Variants in SMC6 observed in about 807,000 individuals in gnomAD.
SMC6 encodes structural maintenance of chromosomes 6, also known as structural maintenance of chromosomes protein 6.
Under a neutral mutation model 142.2 loss-of-function variants are expected in SMC6, and 79 were observed. That is an observed-to-expected ratio of 0.56 (90% CI 0.46 to 0.67). The LOEUF is 0.67. SMC6 is among the 30% of genes least tolerant of loss of function. SMC6 has a pLI of 0.00. For missense variants in SMC6, 1,072 were observed against 1,284.0 expected (o/e 0.83, Z 2.52); for synonymous variants, 411 against 412.4 (o/e 1.00, Z 0.04).
rs918539474 is a variant in SMC6 at position 17,691,338 on chromosome 2, G to C, written c.2678+3814C>G. Among the ~76,000 whole-genome samples, 8 of 94,758 alleles carry C rather than the reference G, an allele frequency of 8.4e-5. No individual in the cohort carries two copies. In the Middle Eastern group the frequency reaches 0.016, roughly 191 times the overall value. 62.2% of individuals were successfully genotyped at this position (94,758 alleles called of 152,430 possible). A position where few individuals can be genotyped will look rare whatever the true frequency, so the allele number is the denominator to read the frequency against. ...GGTGTGTGTGTGTGTGTGTGTCTCTGTGTGTGTGTGTCTGTGTGTGTGTGT... is the reference window on the plus strand; with the variant it reads ...GGTGTGTGTGTGTGTGTGTGTCTCTCTGTGTGTGTGTCTGTGTGTGTGTGT... On this transcript the variant is annotated intron_variant, in intron 23 of 27. Coordinates refer to ENST00000448223, the MANE Select transcript of SMC6 (RefSeq NM_001142286.2).
At chr2:17,705,706 A>G (rs1395757468) in intron 18 of SMC6, among the ~76,000 whole-genome samples, 1 of 152,226 alleles carries the variant, frequency 6.6e-6, no homozygotes, top group Non-Finnish European at 1.5e-5. Flanking sequence ...TAAGCAATCA[A>G]TGTAACTTTA....
chr2:17,698,241 T>C (rs1220846688), intron 21 of SMC6, among the ~76,000 whole-genome samples: 9 of 151,996 alleles, frequency 5.9e-5, no homozygotes, highest in South Asian at 2.1e-4. Flanking sequence ...ACATGAAAAA[T>C]CATTGAATTA....
intron 6 of SMC6, 46 bp from the exon 7 acceptor site, chr2:17,731,185 T>C: frequency 7.5e-7 from 1 of 1,330,196 alleles, no homozygotes; most frequent in Non-Finnish European, 1.1e-6. Context: ...TTCTAGGGCA[T>C]AACACAGAAA....
Position 17,700,992 on chromosome 2 carries a change from C to T in SMC6, c.2224-614G>A, listed in dbSNP as rs571056638. On this transcript the variant is annotated intron_variant, in intron 20 of 27. Coordinates refer to ENST00000448223, the MANE Select transcript of SMC6 (RefSeq NM_001142286.2). ...GTTGCAGTGAGCCAAGATTGCACCA[C>T]TGCACTTCAGCCTGGGCAACAAGAG... Among the ~76,000 whole-genome samples the T allele has an allele frequency of 2.6e-5, 4 of 151,606 alleles. No homozygotes were observed. In the East Asian group the frequency reaches 5.8e-4, roughly 22 times the overall value.
intron 2 of SMC6, among the ~76,000 whole-genome samples, chr2:17,749,305 A>G (rs1055894620): frequency 2.0e-5 from 3 of 149,920 alleles, no homozygotes; most frequent in African/African-American, 7.6e-5. Context: ...TTTATAATTT[A>G]AAAAAAACAG....
chr2:17,715,638 T>A (rs552053869), intron 15 of SMC6, among the ~76,000 whole-genome samples: 1 of 152,100 alleles, frequency 6.6e-6, no homozygotes, highest in Non-Finnish European at 1.5e-5. Context: ...TTAAGTACCA[T>A]GTATATGTAA....
chr2:17,728,645 C>T (rs1669750036), intron 7 of SMC6, among the ~76,000 whole-genome samples: 1 of 152,148 alleles, frequency 6.6e-6, no homozygotes, highest in Non-Finnish European at 1.5e-5. Context: ...GAAACGGAGG[C>T]ACAGAAGACA....
At position 17,705,657 on chromosome 2, in the gene SMC6, T is replaced by C. The variant is rs780253292; in HGVS notation, c.2006+1562A>G. Among the ~76,000 whole-genome samples the C allele has an allele frequency of 5.3e-5, 8 of 152,170 alleles. 1 individual carries two copies. The highest frequency in any genetic ancestry group is 1.2e-4 in the Non-Finnish European group (8 of 68,020). On this transcript the variant is annotated intron_variant, in intron 18 of 27. Coordinates refer to ENST00000448223, the MANE Select transcript of SMC6 (RefSeq NM_001142286.2). ...AACCAACAAAATAAGCAAGACAATA[T>C]TGTCATTATACAATTTTTCTGAACA...
intron 25 of SMC6, among the ~76,000 whole-genome samples, chr2:17,673,191 ATACTT>A (rs1453502988): frequency 1.3e-5 from 2 of 152,168 alleles, no homozygotes; most frequent in Non-Finnish European, 2.9e-5. Context: ...CACCATTTAG[ATACTT>A]TAAAGTGGTT....
intron 23 of SMC6, among the ~76,000 whole-genome samples, chr2:17,692,757 A>C (rs1235687470): frequency 2.0e-5 from 3 of 152,236 alleles, no homozygotes; most frequent in Admixed American, 1.3e-4. Flanking sequence ...CTACCATCAG[A>C]GTGAACAGGC....
chr2:17,700,672 C>T (rs1393567930), intron 20 of SMC6, among the ~76,000 whole-genome samples: 2 of 152,040 alleles, frequency 1.3e-5, no homozygotes, highest in Non-Finnish European at 1.5e-5. Context: ...CAATATATAT[C>T]TTGTGCCAGA....
intron 22 of SMC6, among the ~76,000 whole-genome samples, chr2:17,695,968 G>C (rs935033459): frequency 6.6e-6 from 1 of 152,128 alleles, no homozygotes; most frequent in African/African-American, 2.4e-5. Flanking sequence ...CTCACTGGAA[G>C]GGGTGCCTTT....
At chr2:17,742,142 A>C (rs1300901182) in intron 3 of SMC6, among the ~76,000 whole-genome samples, 1 of 152,202 alleles carries the variant, frequency 6.6e-6, no homozygotes, top group South Asian at 2.1e-4. Flanking sequence ...TGGGGGGCGC[A>C]AAAGGGAGAG....
At chr2:17,714,791 G>A in intron 16 of SMC6, 70 bp downstream of exon 16, 3 of 1,468,886 alleles carry the variant, frequency 2.0e-6, no homozygotes, top group East Asian at 2.3e-5. Context: ...CATTAAAAGT[G>A]TTTTAACTCT....
Position 17,721,231 on chromosome 2 carries a change from C to G in SMC6, c.757G>C (p.Glu253Gln). The change falls in exon 10 of 28, where the codon GAG (glutamate) becomes CAG (glutamine). Residue 253 changes from glutamate (E) to glutamine (Q), a missense_variant. By Grantham distance (29) the Glu-to-Gln change is conservative (BLOSUM62 2). Transcript: ENST00000448223. ...RLTELKRQCV[E>Q]KEERFQSIAG... ...ATACTTTGAAAACGTTCCTCTTTCTCTACACACTGGCGCTTTAGTTCAGTA... is the reference window on the plus strand; with the variant it reads ...ATACTTTGAAAACGTTCCTCTTTCTGTACACACTGGCGCTTTAGTTCAGTA... 1.2e-6 allele frequency: 2 copies of G among 1,609,160 alleles called. No homozygotes were observed. The highest frequency in any genetic ancestry group is 2.2e-5 in the South Asian group (2 of 89,338).
chr2:17,742,363 G>A (rs1670516367), intron 3 of SMC6, among the ~76,000 whole-genome samples: 1 of 152,070 alleles, frequency 6.6e-6, no homozygotes, highest in Admixed American at 6.6e-5. Context: ...ACTTATTATG[G>A]CAACTGTGTG....
At chr2:17,745,307 G>A (rs562880247) in intron 3 of SMC6, among the ~76,000 whole-genome samples, 1 of 152,234 alleles carries the variant, frequency 6.6e-6, no homozygotes, top group East Asian at 1.9e-4. Flanking sequence ...TAATTCTCCA[G>A]TGAAACCAAC....
chr2:17,663,957 T>C lies in SMC6; in HGVS notation c.*1542A>G, dbSNP rs905756148. On this transcript the variant is annotated 3_prime_UTR_variant, in exon 28 of 28. Transcript: ENST00000448223. Reference sequence around the variant, plus strand: ...ACTTATGATAGTTGAAATCAAAACTTTGTGAGGCCAAAGCAATGAATAATC... The same window carrying C: ...ACTTATGATAGTTGAAATCAAAACTCTGTGAGGCCAAAGCAATGAATAATC... 1.3e-5 allele frequency: 2 copies of C among 152,196 alleles called. No individual in the cohort carries two copies. The allele number at this position is 152,196 out of a possible 1,614,324, so 9.4% of individuals were successfully genotyped here.
chr2:17,717,879 G>A lies in SMC6; in HGVS notation c.1092+198C>T, dbSNP rs190792974. 2.6e-3 allele frequency among the ~76,000 whole-genome samples: 397 copies of A among 151,250 alleles called. 7 individuals carry two copies. The highest frequency in any genetic ancestry group is 0.022 in the Admixed American group (337 of 15,188). ...AGATGTCTGTAGTCCCAGCTACTCA[G>A]GTGGCCGAGGTGGGAGGATAGCGTG... On this transcript the variant is annotated intron_variant, in intron 12 of 27. Coordinates refer to ENST00000448223, the MANE Select transcript of SMC6 (RefSeq NM_001142286.2).
Sources: gnomAD v4.1 joint callset for allele counts (sites outside exome capture counted in the v4.1 genomes callset) on GRCh38, gnomAD v4.1.1 for gene constraint, MANE v1.5 for transcripts, NCBI Gene and HGNC (gene_info 2026-07-23, HGNC 2026-07-21) for gene names.